Variants in GRM7 observed in about 807,000 individuals in gnomAD.
The protein encoded by GRM7 is glutamate metabotropic receptor 7, also known as metabotropic glutamate receptor 7.
Under a neutral mutation model 84.5 loss-of-function variants are expected in GRM7, and 35 were observed. That is an observed-to-expected ratio of 0.41 (90% CI 0.32 to 0.55). The LOEUF is 0.55. Ranked by LOEUF, GRM7 falls within the 20% of genes least tolerant of loss-of-function variation. GRM7 has a pLI of 0.19. For synonymous variants in GRM7, 487 were observed against 455.1 expected (o/e 1.07, Z -0.89); for missense variants, 1,003 against 1,194.6 (o/e 0.84, Z 2.36).
At chr3:7,628,871 C>G (rs931156724) in intron 8 of GRM7, among the ~76,000 whole-genome samples, 4 of 152,176 alleles carry the variant, frequency 2.6e-5, no homozygotes, top group Admixed American at 6.5e-5. Flanking sequence ...ACAATGACTG[C>G]TTAGCTGCGT....
intron 2 of GRM7, among the ~76,000 whole-genome samples, chr3:7,257,148 G>A (rs146556289): frequency 6.6e-6 from 1 of 152,088 alleles, no homozygotes; most frequent in Non-Finnish European, 1.5e-5. Context: ...ACTAATCCAA[G>A]GAGGCTTTTC....
intron 1 of GRM7, among the ~76,000 whole-genome samples, chr3:6,972,852 G>T (rs1693813174): frequency 6.6e-6 from 1 of 152,196 alleles, no homozygotes; most frequent in African/African-American, 2.4e-5. Flanking sequence ...AACAGCTGAG[G>T]CCATTAGCAA....
chr3:7,582,205 C>T (rs777391527), intron 8 of GRM7, among the ~76,000 whole-genome samples: 2 of 152,182 alleles, frequency 1.3e-5, no homozygotes, highest in Non-Finnish European at 2.9e-5. Flanking sequence ...AAAGCAAAAG[C>T]TTGCCTTGTG....
At chr3:7,490,743 A>G (rs79037401) in intron 7 of GRM7, among the ~76,000 whole-genome samples, 2,024 of 152,298 alleles carry the variant, frequency 0.013, 37 homozygotes, top group African/African-American at 0.046. Flanking sequence ...AGAAATTTCA[A>G]AAATACCAAA....
At chr3:7,643,027 C>G (rs2125106070) in intron 8 of GRM7, among the ~76,000 whole-genome samples, 1 of 152,212 alleles carries the variant, frequency 6.6e-6, no homozygotes, top group South Asian at 2.1e-4. Context: ...TCTCCTGAGT[C>G]CTTAAGACGG....
At chr3:7,338,967 A>C (rs1325398989) in intron 4 of GRM7, among the ~76,000 whole-genome samples, 1 of 151,866 alleles carries the variant, frequency 6.6e-6, no homozygotes, top group African/African-American at 2.4e-5. Flanking sequence ...CCTACCTGGC[A>C]TCAGCACCTG....
chr3:7,055,477 C>CTGTG (rs148298277), intron 1 of GRM7, among the ~76,000 whole-genome samples: 3,421 of 143,640 alleles, frequency 0.024, 117 homozygotes, highest in African/African-American at 0.073. Context: ...TTTTATATAT[C>CTGTG]TGTGTGTGTG....
At chr3:6,868,996 T>C (rs1695027286) in intron 1 of GRM7, among the ~76,000 whole-genome samples, 1 of 152,164 alleles carries the variant, frequency 6.6e-6, no homozygotes, top group Admixed American at 6.5e-5. Context: ...CTCAGTGTAG[T>C]CTTCTACATT....
intron 2 of GRM7, among the ~76,000 whole-genome samples, chr3:7,148,942 A>G (rs1393251719): frequency 1.3e-5 from 2 of 152,188 alleles, no homozygotes; most frequent in Non-Finnish European, 2.9e-5. Context: ...TCAAGGTATT[A>G]ATAATAAGTA....
chr3:7,526,061 T>C (rs1121776), intron 7 of GRM7, among the ~76,000 whole-genome samples: 93,446 of 151,990 alleles, frequency 0.61, 29,808 homozygotes, highest in African/African-American at 0.79. Flanking sequence ...TGGGTAGATA[T>C]CCAGTAATGG....
chr3:7,352,043 C>T (rs1424074592), intron 4 of GRM7, among the ~76,000 whole-genome samples: 1 of 123,560 alleles, frequency 8.1e-6, no homozygotes, highest in East Asian at 2.5e-4. Context: ...CTCTCTCTCA[C>T]ACACACACAC....
chr3:7,297,851 T>TG (rs1173971599), intron 2 of GRM7, among the ~76,000 whole-genome samples: 3 of 152,196 alleles, frequency 2.0e-5, no homozygotes, highest in Admixed American at 6.5e-5. Context: ...TTAAGTGTGT[T>TG]TCATAAAATG....
chr3:7,603,608 C>T (rs959535977), intron 8 of GRM7, among the ~76,000 whole-genome samples: 1 of 152,114 alleles, frequency 6.6e-6, no homozygotes. Flanking sequence ...TTCAAATACA[C>T]TGTATGACTT....
chr3:7,644,230 CTG>C (rs1698518621), intron 8 of GRM7, among the ~76,000 whole-genome samples: 3 of 138,926 alleles, frequency 2.2e-5, no homozygotes, highest in African/African-American at 8.9e-5. Context: ...ATGTGTGTGT[CTG>C]TACATATATA....
rs112089060 is a variant in GRM7, at chr3:7,298,597, C to A, written c.737-87C>A. On this transcript the variant is annotated intron_variant, in intron 2 of 9. Transcript: ENST00000357716. Reference sequence around the variant, plus strand: ...AAGGAAGTATTGCATATCCGGGATTCAGAATCTCCTCCTCATCTACCTTCC... The same window carrying A: ...AAGGAAGTATTGCATATCCGGGATTAAGAATCTCCTCCTCATCTACCTTCC... 4.9e-5 allele frequency: 55 copies of A among 1,115,650 alleles called. 1 individual carries two copies. In the African/African-American group the frequency reaches 7.3e-4, roughly 15 times the overall value. 69.1% of individuals were successfully genotyped at this position (1,115,650 alleles called of 1,614,324 possible). A position where few individuals can be genotyped will look rare whatever the true frequency, so the allele number is the denominator to read the frequency against.
At chr3:7,547,929 G>T (rs183415054) in intron 7 of GRM7, among the ~76,000 whole-genome samples, 2 of 152,290 alleles carry the variant, frequency 1.3e-5, no homozygotes, top group Non-Finnish European at 2.9e-5. Flanking sequence ...AACTTGTTTG[G>T]AACAGAGAGA....
intron 4 of GRM7, among the ~76,000 whole-genome samples, chr3:7,402,582 A>C (rs182847807): frequency 6.6e-6 from 1 of 152,282 alleles, no homozygotes. Flanking sequence ...ACATACATCA[A>C]AATAGCATGT....
chr3:7,512,148 A>T (rs1700230699), intron 7 of GRM7, among the ~76,000 whole-genome samples: 1 of 152,106 alleles, frequency 6.6e-6, no homozygotes, highest in South Asian at 2.1e-4. Context: ...CTGTCTCTGG[A>T]AATAAAAAAG....
chr3:7,672,731 A>C (rs1699971349), intron 8 of GRM7, among the ~76,000 whole-genome samples: 1 of 151,678 alleles, frequency 6.6e-6, no homozygotes, highest in Non-Finnish European at 1.5e-5. Context: ...CAGCCTCCCA[A>C]GTAGCTGGGA....
Sources: allele counts gnomAD v4.1 joint callset (sites outside exome capture counted in the v4.1 genomes callset), GRCh38; gene constraint gnomAD v4.1.1; transcripts MANE v1.5; gene names NCBI Gene and HGNC (gene_info 2026-07-23, HGNC 2026-07-21).